GRAP: variants seen among roughly 807,000 people sequenced by gnomAD.
GRAP encodes GRB2 related adaptor protein.
GRAP carries 2 observed loss-of-function variants against 9.1 expected under a neutral mutation model. The observed-to-expected ratio is 0.22, with a 90% CI of 0.09 to 0.69. The LOEUF is 0.69. Among genes scored for constraint, GRAP ranks in the 30% least tolerant of loss-of-function variants. The pLI is 0.81. For synonymous variants in GRAP, 68 were observed against 73.6 expected, an observed-to-expected ratio of 0.92 and a Z score of 0.39; for missense variants, 113 against 179.4, an observed-to-expected ratio of 0.63 and a Z score of 2.12.
In GRAP at chr17:19,027,471, C is replaced by T. The variant is rs1345587643; in HGVS notation, c.300-3088G>A. On this transcript the variant is annotated intron_variant, in intron 3 of 4. Transcript: ENST00000284154. ...ACTTGATGCCTTGATGGGACACATG[C>T]GCGCGCGCGCGCGCACACACACACA... 9.6e-5 allele frequency among the ~76,000 whole-genome samples: 10 copies of T among 103,910 alleles called. No homozygotes were observed. In the South Asian group the frequency reaches 2.3e-3, roughly 24 times the overall value. 68.2% of individuals were successfully genotyped at this position (103,910 alleles called of 152,430 possible).
At position 19,021,231 on chromosome 17, in the gene GRAP, G is replaced by A. The variant is rs1304927923; in HGVS notation, c.*728C>T. Reference sequence around the variant, plus strand: ...AGAACCTGGGCCTAAACAAACAAGAGCCAGGGCAGCCAGGGTCTCTGCGTG... The same window carrying A: ...AGAACCTGGGCCTAAACAAACAAGAACCAGGGCAGCCAGGGTCTCTGCGTG... On this transcript the variant is annotated 3_prime_UTR_variant, in exon 5 of 5. Transcript: ENST00000284154. The surrounding 1 kb of genome is among the most constrained non-coding windows in gnomAD (Gnocchi z 4.1). The A allele has an allele frequency of 6.6e-6, 1 of 152,302 alleles. No individual in the cohort carries two copies. Among genetic ancestry groups the A allele is most frequent in the Non-Finnish European group, 1.5e-5 (1 of 68,094 alleles). The allele number at this position is 152,302 out of a possible 1,614,324, so 9.4% of individuals were successfully genotyped here. A position where few individuals can be genotyped will look rare whatever the true frequency, so the allele number is the denominator to read the frequency against.
At chr17:19,043,951 TTTTC>T (rs1291464452) in intron 1 of GRAP, among the ~76,000 whole-genome samples, 1 of 143,218 alleles carries the variant, frequency 7.0e-6, no homozygotes, top group East Asian at 2.0e-4. Context: ...TCTTTTTCTT[TTTTC>T]TTTTTTTTTT....
intron 3 of GRAP, chr17:19,031,494 G>C (rs1284269061): frequency 7.4e-6 from 1 of 135,556 alleles, no homozygotes; most frequent in Non-Finnish European, 1.6e-5. Context: ...TAAGAGTGTT[G>C]GATTCATGGG....
chr17:19,022,126 C>T lies in GRAP; in HGVS notation c.487G>A (p.Ala163Thr). The change falls in exon 5 of 5, where the codon GCC (alanine) becomes ACC (threonine). Residue 163 changes from alanine to threonine, a missense_variant. Around this residue, in one of 2 missense-constraint regions of GRAP, gnomAD observed 113 missense variants for 163.3 expected, o/e 0.69. Coordinates refer to ENST00000284154, the MANE Select transcript of GRAP (RefSeq NM_006613.4). ...GCTGAGAAGTCAAACTGGGCCTGGG[C>T]AAAGCAGGCCCCAGGTGACTGCAAG... Reference protein sequence around the residue: ...PLLKSPGACFAQAQFDFSAQD... With the variant: ...PLLKSPGACFTQAQFDFSAQD... The T allele has an allele frequency of 6.6e-7, 1 of 1,525,712 alleles. No homozygotes were observed. The highest frequency in any genetic ancestry group is 8.8e-7 in the Non-Finnish European group (1 of 1,137,320). 94.5% of individuals were successfully genotyped at this position (1,525,712 alleles called of 1,614,324 possible).
At chr17:19,027,482 G>GCACACACACACACACA (rs1201282703) in intron 3 of GRAP, among the ~76,000 whole-genome samples, 140 of 116,050 alleles carry the variant, frequency 1.2e-3, no homozygotes, top group Admixed American at 2.4e-3. Flanking sequence ...GCGCGCGCGC[G>GCACACACACACACACA]CGCACACACA....
chr17:19,031,423 T>G (rs2044336064), intron 3 of GRAP: 1 of 115,850 alleles, frequency 8.6e-6, no homozygotes, highest in African/African-American at 3.4e-5. Context: ...GAGGTGGCCA[T>G]CAGGTCACCC....
At chr17:19,025,647 C>G (rs2044309887) in intron 3 of GRAP, among the ~76,000 whole-genome samples, 1 of 139,232 alleles carries the variant, frequency 7.2e-6, no homozygotes, top group South Asian at 2.6e-4. Context: ...TAGTCTCGCT[C>G]TGTCACCCAG....
chr17:19,024,994 C>G lies in GRAP; in HGVS notation c.300-611G>C, dbSNP rs1455208307. The stretch of plus-strand genomic sequence containing the variant: ...CCTTGGCCTCAGGGTAAACTCTTAA[C>G]ACTTCAGACTCAAGATCTGGCTCCA... On this transcript the variant is annotated intron_variant, in intron 3 of 4. Transcript: ENST00000284154. The surrounding 1 kb of genome is among the most constrained non-coding windows in gnomAD (Gnocchi z 4.2). Among the ~76,000 whole-genome samples the G allele has an allele frequency of 1.3e-5, 2 of 152,112 alleles. No homozygotes were observed. The highest frequency in any genetic ancestry group is 2.9e-5 in the Non-Finnish European group (2 of 68,014).
intron 3 of GRAP, among the ~76,000 whole-genome samples, chr17:19,027,524 A>ACACCCC (rs1157535157): frequency 1.4e-5 from 2 of 139,052 alleles, no homozygotes; most frequent in South Asian, 4.9e-4. Context: ...ACACACACAC[A>ACACCCC]CCCCTACCTC....
rs527919124 is a variant in GRAP at position 19,021,163 on chromosome 17, G to A, written c.*796C>T. 1.3e-5 allele frequency: 2 copies of A among 152,418 alleles called. No individual in the cohort carries two copies. Among genetic ancestry groups the A allele is most frequent in the South Asian group, 4.1e-4 (2 of 4,828 alleles). 9.4% of individuals were successfully genotyped at this position (152,418 alleles called of 1,614,324 possible). On this transcript the variant is annotated 3_prime_UTR_variant, in exon 5 of 5. Transcript: ENST00000284154. The surrounding 1 kb of genome is among the most constrained non-coding windows in gnomAD (Gnocchi z 4.1). The stretch of plus-strand genomic sequence containing the variant: ...CCCCAACTTTCTGTCTGCCCTGGAG[G>A]TTTCTCAGCCTCCTGAGAGCTCTGC...
At chr17:19,027,482 G>GCACACA (rs1201282703) in intron 3 of GRAP, among the ~76,000 whole-genome samples, 18,854 of 115,008 alleles carry the variant, frequency 0.16, 1,869 homozygotes, top group Non-Finnish European at 0.23. Context: ...GCGCGCGCGC[G>GCACACA]CGCACACACA....
At chr17:19,022,467 G>T (rs918424427) in intron 4 of GRAP, 5 of 300,184 alleles carry the variant, frequency 1.7e-5, no homozygotes, top group African/African-American at 1.1e-4. Flanking sequence ...TGCTTCTCTT[G>T]GGATCTTATT....
chr17:19,030,345 C>G, intron 3 of GRAP: 1 of 269,326 alleles, frequency 3.7e-6, no homozygotes, highest in Non-Finnish European at 6.8e-6. Context: ...CTCCACCACC[C>G]CAACCAGGGC....
At position 19,024,231 on chromosome 17, in the gene GRAP, T is replaced by A. The variant is rs199803859; in HGVS notation, c.452A>T (p.Glu151Val). Residue 151 changes from glutamate (E) to valine (V), a missense_variant, in exon 4 of 5, where the codon GAG (glutamate) becomes GTG (valine). Coordinates refer to ENST00000284154, the MANE Select transcript of GRAP (RefSeq NM_006613.4). This position sits in a 1 kb window ranked among gnomAD's most constrained non-coding sequence, Gnocchi z 4.2. The stretch of plus-strand genomic sequence containing the variant: ...CGCCCCTACCTTGAGCAAGGGCTCC[T>A]CGTCGCGCAGGAAGATCTGCCGCTT... The part of the protein sequence containing the change: ...AKKRQIFLRD[E>V]EPLLKSPGAC... 6.3e-7 allele frequency: 1 copy of A among 1,592,050 alleles called. No homozygotes were observed. Among genetic ancestry groups the A allele is most frequent in the Non-Finnish European group, 8.5e-7 (1 of 1,169,608 alleles).
intron 1 of GRAP, 59 bp from the exon 2 acceptor site, chr17:19,041,963 GAGGCCCCACTGCACGCC>G: frequency 1.7e-6 from 1 of 579,204 alleles, no homozygotes; most frequent in South Asian, 2.0e-5. Context: ...GTCACCCCCG[GAGGCCCCACTGCACGCC>G]AGGCCCCAGG....
At chr17:19,048,127 T>C (rs1597931424), upstream of GRAP, among the ~76,000 whole-genome samples, 1 of 90,228 alleles carries the variant, frequency 1.1e-5, no homozygotes, top group African/African-American at 4.1e-5. Context: ...GCCATTGCAC[T>C]CCAGCCTGGG....
chr17:19,024,514 A>T lies in GRAP; in HGVS notation c.300-131T>A. On this transcript the variant is annotated intron_variant, in intron 3 of 4. Transcript: ENST00000284154. The surrounding 1 kb of genome is among the most constrained non-coding windows in gnomAD (Gnocchi z 4.2). ...GGGACCTGGAGTCAGATAAGGTGCA[A>T]GTGGGAGAGGCCCCACTGACCCAGC... The T allele has an allele frequency of 3.5e-6, 5 of 1,440,664 alleles. No homozygotes were observed. Among genetic ancestry groups the T allele is most frequent in the Non-Finnish European group, 4.6e-6 (5 of 1,091,004 alleles). The allele number at this position is 1,440,664 out of a possible 1,614,324, so 89.2% of individuals were successfully genotyped here. A position where few individuals can be genotyped will look rare whatever the true frequency, so the allele number is the denominator to read the frequency against.
At position 19,024,289 on chromosome 17, in the gene GRAP, C is replaced by T; in HGVS notation, c.394G>A (p.Val132Ile). 1 of 1,609,494 alleles carries T rather than the reference C, an allele frequency of 6.2e-7. No homozygotes were observed. Among genetic ancestry groups the T allele is most frequent in the Non-Finnish European group, 8.5e-7 (1 of 1,177,952 alleles). ...EEKFNSLNELVDFYRTTTIAK... is the reference protein window; with the variant it reads ...EEKFNSLNELIDFYRTTTIAK... ...ATGGTGGTGGTGCGGTAGAAGTCGA[C>T]CAGCTCGTTGAGGGAGTTGAACTTC... Residue 132 changes from valine (V) to isoleucine (I), a missense_variant, in exon 4 of 5, where the codon GTC (valine) becomes ATC (isoleucine). By Grantham distance (29) the Val-to-Ile change is conservative. Around this residue, in one of 2 missense-constraint regions of GRAP, gnomAD observed 113 missense variants for 163.3 expected, o/e 0.69. Coordinates refer to ENST00000284154, the MANE Select transcript of GRAP (RefSeq NM_006613.4). The surrounding 1 kb of genome is among the most constrained non-coding windows in gnomAD (Gnocchi z 4.2).
chr17:19,020,861 T>C lies in GRAP; in HGVS notation c.*1098A>G. On this transcript the variant is annotated 3_prime_UTR_variant, in exon 5 of 5. Transcript: ENST00000284154. ...GACTGCAGCCACCTCCAAGGGCTCC[T>C]CCCTCCACCCACCGGCTCCCAAATG... The C allele has an allele frequency of 6.0e-6, 1 of 166,924 alleles. No homozygotes were observed. The highest frequency in any genetic ancestry group is 1.3e-5 in the Non-Finnish European group (1 of 76,312). The allele number at this position is 166,924 out of a possible 1,614,324, so 10.3% of individuals were successfully genotyped here. A position where few individuals can be genotyped will look rare whatever the true frequency, so the allele number is the denominator to read the frequency against.
Sources: allele counts gnomAD v4.1 joint callset (sites outside exome capture counted in the v4.1 genomes callset), GRCh38; gene constraint gnomAD v4.1.1; regional missense constraint gnomAD v4.1.1; non-coding constraint Gnocchi (gnomAD v3.1); transcripts MANE v1.5; gene names NCBI Gene and HGNC (gene_info 2026-07-23, HGNC 2026-07-21).